Variants in SDCBP observed in about 807,000 individuals in gnomAD.
SDCBP encodes the protein syntenin-1.
SDCBP carries 22 observed loss-of-function variants against 30.5 expected under a neutral mutation model. The ratio of observed to expected loss-of-function variants is 0.72; its 90% CI spans 0.52 to 1.03. The LOEUF (loss-of-function observed/expected upper bound fraction) is 1.03, where lower values mean the gene tolerates loss of function less well. Ranked by LOEUF, SDCBP falls within the 50% of genes least tolerant of loss-of-function variation. The pLI is 0.00. For synonymous variants in SDCBP, 103 were observed against 118.7 expected, an observed-to-expected ratio of 0.87 and a Z score of 0.86; for missense variants, 304 against 369.9, an observed-to-expected ratio of 0.82 and a Z score of 1.46.
At chr8:58,577,962 C>T in intron 5 of SDCBP, 71 bp from the exon 6 acceptor site, 3 of 1,202,828 alleles carry the variant, frequency 2.5e-6, no homozygotes, top group South Asian at 2.6e-5. Flanking sequence ...ACAGTTGTTT[C>T]CTAATTTTCC....
At chr8:58,568,565 C>T (rs1435373476) in intron 2 of SDCBP, among the ~76,000 whole-genome samples, 1 of 152,074 alleles carries the variant, frequency 6.6e-6, no homozygotes, top group Non-Finnish European at 1.5e-5. Flanking sequence ...GTATTATGTA[C>T]CATGCATAAT....
intron 2 of SDCBP, among the ~76,000 whole-genome samples, chr8:58,566,344 T>G (rs966205145): frequency 6.6e-6 from 1 of 152,204 alleles, no homozygotes; most frequent in African/African-American, 2.4e-5. Flanking sequence ...ATCCTTTTTT[T>G]GTTAGCTTTT....
intron 1 of SDCBP, among the ~76,000 whole-genome samples, chr8:58,554,491 AAAG>A (rs1486905087): frequency 1.3e-5 from 2 of 152,238 alleles, no homozygotes; most frequent in Non-Finnish European, 2.9e-5. Flanking sequence ...CACAGAATAA[AAAG>A]AAGTAGAATG....
chr8:58,581,726 A>C lies in SDCBP; in HGVS notation c.883A>C (p.Ile295Leu), dbSNP rs1280686991. ...TATGAAAAGCCTAATGGACCACACC[A>C]TTCCTGAGGTTTAAAATTCACGGCA... ...SIMKSLMDHT[I>L]PEV Residue 295 changes from isoleucine to leucine, a missense_variant, in exon 9 of 9, where the codon ATT becomes CTT. Ile to Leu is a conservative substitution (Grantham distance 5). Coordinates refer to ENST00000260130, the MANE Select transcript of SDCBP (RefSeq NM_005625.4). The C allele has an allele frequency of 6.2e-7, 1 of 1,612,368 alleles. No individual in the cohort carries two copies. Among genetic ancestry groups the C allele is most frequent in the Admixed American group, 1.7e-5 (1 of 59,994 alleles).
intron 5 of SDCBP, 103 bp downstream of exon 5, chr8:58,576,164 C>T (rs1244822580): frequency 6.0e-6 from 5 of 834,258 alleles, no homozygotes; most frequent in African/African-American, 5.2e-5. Context: ...TATAATAGTG[C>T]ATCTGTAGTT....
intron 6 of SDCBP, among the ~76,000 whole-genome samples, chr8:58,578,819 A>G (rs1805500330): frequency 6.6e-6 from 1 of 152,174 alleles, no homozygotes; most frequent in African/African-American, 2.4e-5. Flanking sequence ...CTTCTGTTTT[A>G]TCTTTGTGTT....
chr8:58,554,949 C>T (rs1804014744), intron 1 of SDCBP, among the ~76,000 whole-genome samples: 1 of 152,210 alleles, frequency 6.6e-6, no homozygotes, highest in Non-Finnish European at 1.5e-5. Flanking sequence ...AACAAGTCTT[C>T]TGGCAGGCAG....
At chr8:58,574,400 CT>C (rs1805208291) in intron 4 of SDCBP, among the ~76,000 whole-genome samples, 1 of 152,118 alleles carries the variant, frequency 6.6e-6, no homozygotes, top group East Asian at 1.9e-4. Context: ...GTCATAGCTG[CT>C]CTGATTCTTA....
intron 2 of SDCBP, among the ~76,000 whole-genome samples, chr8:58,570,375 GTATT>G (rs1268438387): frequency 7.9e-5 from 12 of 152,198 alleles, no homozygotes; most frequent in African/African-American, 2.4e-4. Flanking sequence ...TATTTTAAAA[GTATT>G]TAGCATAAAC....
At chr8:58,564,177 A>G (rs1292676078) in intron 1 of SDCBP, among the ~76,000 whole-genome samples, 1 of 152,184 alleles carries the variant, frequency 6.6e-6, no homozygotes, top group East Asian at 1.9e-4. Flanking sequence ...TGGGAGAGAA[A>G]GCAATAAGAA....
At chr8:58,566,287 G>T (rs1804705694) in intron 2 of SDCBP, among the ~76,000 whole-genome samples, 1 of 152,102 alleles carries the variant, frequency 6.6e-6, no homozygotes, top group African/African-American at 2.4e-5. Flanking sequence ...AACTGATAAG[G>T]ATTTTTAGAT....
intron 1 of SDCBP, among the ~76,000 whole-genome samples, chr8:58,556,484 A>T (rs575770395): frequency 5.2e-4 from 79 of 152,306 alleles, no homozygotes; most frequent in African/African-American, 1.8e-3. Context: ...AAAGAAGCAA[A>T]TAAACATTAT....
In SDCBP at chr8:58,563,950, G is replaced by T. The variant is rs551301310; in HGVS notation, c.-15-1069G>T. ...AGCTGCTCAGGGAGATTCCTTGGTG[G>T]TGGCATTCTGCTGCAGAGTTACTCA... is the stretch of plus-strand genomic sequence containing the variant. On this transcript the variant is annotated intron_variant, in intron 1 of 8. Coordinates refer to ENST00000260130, the MANE Select transcript of SDCBP (RefSeq NM_005625.4). Among the ~76,000 whole-genome samples, 11 of 152,322 alleles carry T rather than the reference G, an allele frequency of 7.2e-5. No homozygotes were observed. In the South Asian group the frequency reaches 2.3e-3, roughly 32 times the overall value.
chr8:58,570,586 G>T, intron 2 of SDCBP: 1 of 221,036 alleles, frequency 4.5e-6, no homozygotes, highest in South Asian at 1.6e-4. Context: ...ATTTTAGAAT[G>T]CACTTTGAAA....
At position 58,582,521 on chromosome 8, in the gene SDCBP, CTTCT is replaced by C. The variant is rs1421783715; in HGVS notation, c.*787_*790del. On this transcript the variant is annotated 3_prime_UTR_variant, in exon 9 of 9. Coordinates refer to ENST00000260130, the MANE Select transcript of SDCBP (RefSeq NM_005625.4). ...TTTTTTAGTCAACACATAATGGAAA[CTTCT>C]TTCTTCTAAAAGTTGCCAGTGCCAC... 6 of 152,584 alleles carry C rather than the reference CTTCT, an allele frequency of 3.9e-5. No homozygotes were observed. Among genetic ancestry groups the C allele is most frequent in the Non-Finnish European group, 5.9e-5 (4 of 68,034 alleles). The allele number at this position is 152,584 out of a possible 1,614,324, so 9.5% of individuals were successfully genotyped here. A position where few individuals can be genotyped will look rare whatever the true frequency, so the allele number is the denominator to read the frequency against.
Position 58,579,635 on chromosome 8 carries a change from G to A in SDCBP, c.591G>A (p.Arg197=), listed in dbSNP as rs778542244. ...TMTIRDRPFE[R]TITMHKDSTG... ...ATTATGTTTGTAGGCCCTTTGAACG[G>A]ACGATTACCATGCATAAGGATAGCA... Residue 197 remains arginine, a synonymous_variant, in exon 7 of 9, where the codon CGG becomes CGA. Transcript: ENST00000260130. 3.8e-6 allele frequency: 6 copies of A among 1,580,480 alleles called. No individual in the cohort carries two copies. The South Asian group carries it at 5.8e-5, about 15-fold the overall frequency.
intron 3 of SDCBP, among the ~76,000 whole-genome samples, chr8:58,571,188 A>G (rs1270200955): frequency 1.3e-5 from 2 of 152,200 alleles, no homozygotes; most frequent in African/African-American, 4.8e-5. Context: ...GCTTAATGAA[A>G]ATTAATTTTA....
intron 1 of SDCBP, among the ~76,000 whole-genome samples, chr8:58,557,845 A>T (rs1217339125): frequency 1.3e-5 from 2 of 152,210 alleles, no homozygotes; most frequent in Non-Finnish European, 2.9e-5. Context: ...AAGCCTAGAA[A>T]CAAAATTCTT....
intron 7 of SDCBP, 116 bp from the exon 8 acceptor site, chr8:58,580,401 A>G: frequency 1.6e-6 from 1 of 606,510 alleles, no homozygotes; most frequent in South Asian, 2.2e-5. Flanking sequence ...GAAATACTAG[A>G]AAAAATTAGA....
Sources: allele counts gnomAD v4.1 joint callset (sites outside exome capture counted in the v4.1 genomes callset), GRCh38; gene constraint gnomAD v4.1.1; transcripts MANE v1.5; gene names NCBI Gene and HGNC (gene_info 2026-07-23, HGNC 2026-07-21).